Variants in RORA observed in about 807,000 individuals in gnomAD.
RORA encodes nuclear receptor ROR-alpha.
A neutral mutation model predicts 69.5 loss-of-function variants in RORA; 7 were observed. The ratio of observed to expected loss-of-function variants is 0.10; its 90% CI spans 0.06 to 0.19. The LOEUF is 0.19. Ranked by LOEUF, RORA falls within the 10% of genes least tolerant of loss-of-function variation. The pLI is 1.00. For missense variants in RORA, 457 were observed against 663.0 expected, an observed-to-expected ratio of 0.69 and a Z score of 3.41; for synonymous variants, 261 against 240.8, an observed-to-expected ratio of 1.08 and a Z score of -0.78.
chr15:61,046,159 G>C (rs1897010960), intron 1 of RORA, among the ~76,000 whole-genome samples: 2 of 152,162 alleles, frequency 1.3e-5, no homozygotes, highest in Non-Finnish European at 2.9e-5. Flanking sequence ...GCATGGGAGA[G>C]GGAAAGGAGG....
intron 1 of RORA, among the ~76,000 whole-genome samples, chr15:61,096,545 T>C (rs1416969107): frequency 6.6e-6 from 1 of 152,172 alleles, no homozygotes; most frequent in East Asian, 1.9e-4. Context: ...GTCCACAAGA[T>C]TATCTGTTAC....
intron 1 of RORA, among the ~76,000 whole-genome samples, chr15:60,941,839 C>G (rs2140323809): frequency 6.6e-6 from 1 of 152,276 alleles, no homozygotes; most frequent in East Asian, 1.9e-4. Flanking sequence ...AATGTTTGCC[C>G]TTGAAAAGAA....
chr15:60,920,517 T>A (rs1027425645), intron 1 of RORA, among the ~76,000 whole-genome samples: 2 of 152,132 alleles, frequency 1.3e-5, no homozygotes, highest in African/African-American at 4.8e-5. Context: ...AGGCCTAAAG[T>A]CACCAAGCTT....
At chr15:61,117,396 C>G (rs1352437176) in intron 1 of RORA, among the ~76,000 whole-genome samples, 1 of 151,940 alleles carries the variant, frequency 6.6e-6, no homozygotes, top group East Asian at 1.9e-4. Context: ...ATATTAAGAA[C>G]TTTTTACTTT....
At chr15:60,968,716 T>C (rs1893627910) in intron 1 of RORA, among the ~76,000 whole-genome samples, 1 of 152,236 alleles carries the variant, frequency 6.6e-6, no homozygotes, top group Non-Finnish European at 1.5e-5. Context: ...TTTGTTGTCT[T>C]GATGTCCCAT....
intron 1 of RORA, among the ~76,000 whole-genome samples, chr15:60,733,836 C>T (rs536211255): frequency 6.6e-6 from 1 of 150,590 alleles, no homozygotes; most frequent in South Asian, 2.2e-4. Context: ...ATCAGTTGTT[C>T]CCAGTGGATG....
chr15:61,025,661 G>A (rs1360828482), intron 1 of RORA, among the ~76,000 whole-genome samples: 2 of 152,154 alleles, frequency 1.3e-5, no homozygotes, highest in African/African-American at 2.4e-5. Flanking sequence ...CACCAGACAC[G>A]GTTCTGAGTT....
At chr15:60,607,529 C>A in intron 2 of RORA, among the ~76,000 whole-genome samples, 1 of 152,186 alleles carries the variant, frequency 6.6e-6, no homozygotes, top group Non-Finnish European at 1.5e-5. Context: ...GTTCTTGTTT[C>A]AGTAAGCTGT....
At chr15:60,837,022 A>G (rs1030228038) in intron 1 of RORA, among the ~76,000 whole-genome samples, 1 of 146,790 alleles carries the variant, frequency 6.8e-6, no homozygotes, top group Non-Finnish European at 1.5e-5. Flanking sequence ...TACAAAATTC[A>G]TATTCATACC....
At chr15:60,597,171 T>G (rs1333727619) in intron 2 of RORA, among the ~76,000 whole-genome samples, 1 of 152,108 alleles carries the variant, frequency 6.6e-6, no homozygotes, top group East Asian at 1.9e-4. Context: ...GTGTGGCTAT[T>G]AGTGTAATGG....
At chr15:61,013,779 C>CTTTTTTTT (rs3053960) in intron 1 of RORA, among the ~76,000 whole-genome samples, 1 of 70,934 alleles carries the variant, frequency 1.4e-5, no homozygotes, top group African/African-American at 5.7e-5. Flanking sequence ...ACTGGGTTGG[C>CTTTTTTTT]TTTTTTTTTT....
At chr15:60,825,414 T>C (rs1233163547) in intron 1 of RORA, among the ~76,000 whole-genome samples, 1 of 152,240 alleles carries the variant, frequency 6.6e-6, no homozygotes, top group Non-Finnish European at 1.5e-5. Context: ...TCACTATTCA[T>C]CAGAGACCAG....
intron 1 of RORA, among the ~76,000 whole-genome samples, chr15:60,740,494 T>C (rs1460764446): frequency 6.6e-6 from 1 of 152,200 alleles, no homozygotes; most frequent in Non-Finnish European, 1.5e-5. Flanking sequence ...CCAGTGAGGC[T>C]GTGTCCAAAG....
At chr15:60,904,631 T>C (rs1283922008) in intron 1 of RORA, among the ~76,000 whole-genome samples, 1 of 152,196 alleles carries the variant, frequency 6.6e-6, no homozygotes, top group Non-Finnish European at 1.5e-5. Flanking sequence ...TAGAAAGAGC[T>C]ATACATGTGA....
intron 2 of RORA, among the ~76,000 whole-genome samples, chr15:60,645,964 C>T (rs339977): frequency 0.062 from 9,376 of 152,130 alleles, 704 homozygotes; most frequent in African/African-American, 0.18. Context: ...GCAGAAATTC[C>T]GCACCATATG....
At chr15:60,673,432 C>G (rs1657799) in intron 2 of RORA, among the ~76,000 whole-genome samples, 2,632 of 152,286 alleles carry the variant, frequency 0.017, 82 homozygotes, top group East Asian at 0.089. Context: ...CCAGACAGTA[C>G]AGAGGGATTT....
intron 1 of RORA, among the ~76,000 whole-genome samples, chr15:60,783,359 AT>A (rs1250431418): frequency 1.3e-5 from 2 of 152,168 alleles, no homozygotes; most frequent in African/African-American, 4.8e-5. Context: ...CTATTTAAAA[AT>A]TAATTAAATT....
intron 2 of RORA, among the ~76,000 whole-genome samples, chr15:60,621,199 AAT>A (rs139761101): frequency 1.7e-4 from 14 of 80,978 alleles, no homozygotes; most frequent in Admixed American, 3.5e-4. Context: ...ACTTTCATCG[AAT>A]ATATATATAT....
intron 1 of RORA, among the ~76,000 whole-genome samples, chr15:60,731,662 C>A (rs1328999635): frequency 1.3e-5 from 2 of 152,182 alleles, no homozygotes; most frequent in East Asian, 3.8e-4. Context: ...AGAGCAAGCA[C>A]ACCAACACTC....
Sources: gnomAD v4.1 joint callset for allele counts (sites outside exome capture counted in the v4.1 genomes callset) on GRCh38, gnomAD v4.1.1 for gene constraint, MANE v1.5 for transcripts, NCBI Gene and HGNC (gene_info 2026-07-23, HGNC 2026-07-21) for gene names.